LRRC4C: variants seen among roughly 807,000 people sequenced by gnomAD.
LRRC4C encodes the protein leucine-rich repeat-containing protein 4C.
A neutral mutation model predicts 33.6 loss-of-function variants in LRRC4C; 5 were observed. The ratio of observed to expected loss-of-function variants is 0.15; its 90% CI spans 0.08 to 0.31. The LOEUF (loss-of-function observed/expected upper bound fraction) is 0.31. Ranked by LOEUF, LRRC4C falls within the 10% of genes least tolerant of loss-of-function variation. The pLI is 1.00. For synonymous variants in LRRC4C, 329 were observed against 302.0 expected (o/e 1.09, Z -0.93); for missense variants, 560 against 796.7 (o/e 0.70, Z 3.58).
chr11:40,703,253 G>A (rs1291071090), intron 2 of LRRC4C, among the ~76,000 whole-genome samples: 1 of 151,960 alleles, frequency 6.6e-6, no homozygotes, highest in Non-Finnish European at 1.5e-5. Flanking sequence ...GGTCCAAAAT[G>A]TAATAACACA....
chr11:40,278,542 G>A (rs949602732), intron 4 of LRRC4C, among the ~76,000 whole-genome samples: 6 of 152,176 alleles, frequency 3.9e-5, no homozygotes, highest in African/African-American at 1.4e-4. Flanking sequence ...ACAAAGATCT[G>A]TTTCTAAGAG....
intron 1 of LRRC4C, among the ~76,000 whole-genome samples, chr11:41,144,170 G>A (rs915790355): frequency 6.6e-6 from 1 of 152,166 alleles, no homozygotes; most frequent in Non-Finnish European, 1.5e-5. Context: ...AACCAGGGCA[G>A]CTCAAGATGG....
chr11:41,290,406 T>G (rs1949957810), intron 1 of LRRC4C, among the ~76,000 whole-genome samples: 1 of 152,168 alleles, frequency 6.6e-6, no homozygotes, highest in Non-Finnish European at 1.5e-5. Context: ...GAGTAAGCAG[T>G]GAATAGGCTA....
intron 1 of LRRC4C, among the ~76,000 whole-genome samples, chr11:41,224,404 C>T (rs1340089459): frequency 6.6e-6 from 1 of 152,164 alleles, no homozygotes; most frequent in African/African-American, 2.4e-5. Flanking sequence ...TCTGTAACTA[C>T]AATTCTCATC....
At chr11:40,441,005 C>T (rs769511698) in intron 3 of LRRC4C, among the ~76,000 whole-genome samples, 15 of 152,068 alleles carry the variant, frequency 9.9e-5, no homozygotes, top group Non-Finnish European at 1.9e-4. Flanking sequence ...ATAAACTATG[C>T]ATCAAAAGGA....
chr11:40,158,531 CA>C (rs1590563972), intron 5 of LRRC4C, among the ~76,000 whole-genome samples: 1 of 140,738 alleles, frequency 7.1e-6, no homozygotes, highest in East Asian at 2.1e-4. Context: ...ATTCTAAAAC[CA>C]AAAGTTTATT....
At chr11:41,063,790 T>C (rs924225063) in intron 1 of LRRC4C, among the ~76,000 whole-genome samples, 3 of 152,234 alleles carry the variant, frequency 2.0e-5, no homozygotes, top group Non-Finnish European at 4.4e-5. Context: ...TCTAGATCTT[T>C]AGAGCAGAGA....
intron 6 of LRRC4C, among the ~76,000 whole-genome samples, chr11:40,138,241 C>A (rs1857124506): frequency 4.0e-5 from 6 of 151,654 alleles, no homozygotes; most frequent in Admixed American, 3.9e-4. Context: ...AATCATAGCT[C>A]ACTGTAACCT....
chr11:40,635,888 C>T (rs1963918382), intron 3 of LRRC4C, among the ~76,000 whole-genome samples: 3 of 151,982 alleles, frequency 2.0e-5, no homozygotes, highest in Admixed American at 6.5e-5. Context: ...ATCCGCCTGC[C>T]TCGGCCTCCC....
intron 3 of LRRC4C, among the ~76,000 whole-genome samples, chr11:40,628,199 C>T (rs967628856): frequency 7.2e-5 from 11 of 152,134 alleles, no homozygotes; most frequent in Admixed American, 1.3e-4. Flanking sequence ...ATTCATCGGC[C>T]GGGCGCGGTG....
intron 1 of LRRC4C, among the ~76,000 whole-genome samples, chr11:41,272,652 G>A (rs1197977731): frequency 1.3e-5 from 2 of 151,998 alleles, no homozygotes; most frequent in African/African-American, 2.4e-5. Context: ...TAATACCGAA[G>A]CGATGTTTTA....
chr11:40,884,557 A>G (rs1218511523), intron 2 of LRRC4C, among the ~76,000 whole-genome samples: 1 of 152,114 alleles, frequency 6.6e-6, no homozygotes, highest in African/African-American at 2.4e-5. Context: ...ATGCAGAGAA[A>G]TAAGCTGGTT....
intron 1 of LRRC4C, among the ~76,000 whole-genome samples, chr11:41,018,274 C>T (rs1565305757): frequency 6.6e-6 from 1 of 152,052 alleles, no homozygotes; most frequent in Non-Finnish European, 1.5e-5. Flanking sequence ...CTTGTTTTTG[C>T]AAGTTTCTTT....
intron 1 of LRRC4C, among the ~76,000 whole-genome samples, chr11:41,320,526 C>T (rs563795888): frequency 6.0e-4 from 91 of 152,304 alleles, no homozygotes; most frequent in African/African-American, 2.0e-3. Flanking sequence ...GTAACACACA[C>T]ATACATTTGC....
intron 3 of LRRC4C, among the ~76,000 whole-genome samples, chr11:40,587,770 G>C (rs1958828608): frequency 6.6e-6 from 1 of 152,042 alleles, no homozygotes; most frequent in African/African-American, 2.4e-5. Context: ...TTATATGCTG[G>C]ATTACATGTA....
intron 3 of LRRC4C, among the ~76,000 whole-genome samples, chr11:40,380,264 CTG>C (rs1366721421): frequency 1.3e-5 from 2 of 152,104 alleles, no homozygotes; most frequent in African/African-American, 4.8e-5. Flanking sequence ...TTAATCTAGA[CTG>C]TAATCAGGCA....
intron 3 of LRRC4C, among the ~76,000 whole-genome samples, chr11:40,524,709 T>C (rs1372656493): frequency 6.6e-6 from 1 of 152,208 alleles, no homozygotes; most frequent in African/African-American, 2.4e-5. Context: ...AAACTGAAGC[T>C]CATTCAATTT....
intron 3 of LRRC4C, among the ~76,000 whole-genome samples, chr11:40,369,841 T>G (rs905876080): frequency 6.6e-6 from 1 of 152,184 alleles, no homozygotes; most frequent in Non-Finnish European, 1.5e-5. Context: ...AAATAGATAT[T>G]AGAATGGTTA....
intron 3 of LRRC4C, among the ~76,000 whole-genome samples, chr11:40,633,326 T>TTTCC: frequency 1.0e-4 from 1 of 9,922 alleles, no homozygotes; most frequent in South Asian, 4.0e-3. Flanking sequence ...AAGTTTTCTT[T>TTTCC]TTCTTTCTTT....
Sources: gnomAD v4.1 joint callset for allele counts (sites outside exome capture counted in the v4.1 genomes callset) on GRCh38, gnomAD v4.1.1 for gene constraint, MANE v1.5 for transcripts, NCBI Gene and HGNC (gene_info 2026-07-23, HGNC 2026-07-21) for gene names.